LRMDA: variants seen among roughly 807,000 people sequenced by gnomAD.
LRMDA encodes leucine-rich melanocyte differentiation-associated protein.
LRMDA carries 18 observed loss-of-function variants against 29.8 expected under a neutral mutation model. The ratio of observed to expected loss-of-function variants is 0.60; its 90% CI spans 0.42 to 0.90. The LOEUF is 0.90. Among genes scored for constraint, LRMDA ranks in the 40% least tolerant of loss-of-function variants. The pLI is 0.00. For missense variants in LRMDA, 273 were observed against 273.9 expected, an observed-to-expected ratio of 1.00 and a Z score of 0.02; for synonymous variants, 125 against 109.4, an observed-to-expected ratio of 1.14 and a Z score of -0.89.
intron 6 of LRMDA, among the ~76,000 whole-genome samples, chr10:76,541,822 C>A (rs752147431): frequency 5.9e-5 from 9 of 152,020 alleles, no homozygotes; most frequent in Non-Finnish European, 1.3e-4. Context: ...TGTCTCATTT[C>A]AGTGTAAAAT....
intron 2 of LRMDA, among the ~76,000 whole-genome samples, chr10:75,596,514 G>A (rs1840789644): frequency 6.6e-6 from 1 of 151,706 alleles, no homozygotes. Flanking sequence ...AAAACACCAA[G>A]TTCATTTTTC....
intron 6 of LRMDA, among the ~76,000 whole-genome samples, chr10:76,454,950 A>C (rs1161081252): frequency 1.3e-5 from 2 of 152,162 alleles, no homozygotes; most frequent in Non-Finnish European, 1.5e-5. Context: ...TCTTTATTCC[A>C]TGTGACTTGA....
At chr10:75,908,743 G>A (rs1225740945) in intron 2 of LRMDA, among the ~76,000 whole-genome samples, 9 of 152,176 alleles carry the variant, frequency 5.9e-5, no homozygotes, top group Non-Finnish European at 8.8e-5. Context: ...GGGATCATGC[G>A]ATTTTTGTAC....
chr10:76,431,110 C>T (rs1209062474), intron 6 of LRMDA, among the ~76,000 whole-genome samples: 1 of 152,064 alleles, frequency 6.6e-6, no homozygotes, highest in Non-Finnish European at 1.5e-5. Flanking sequence ...ATATGTCTCT[C>T]CCTGGGAGGA....
At chr10:76,224,667 C>CTTTTT (rs35143239) in intron 5 of LRMDA, among the ~76,000 whole-genome samples, 52 of 105,302 alleles carry the variant, frequency 4.9e-4, no homozygotes, top group East Asian at 1.5e-3. Context: ...GTCTAGGACT[C>CTTTTT]TTTTTTTTTT....
chr10:76,139,163 G>A (rs933179768), intron 5 of LRMDA, among the ~76,000 whole-genome samples: 7 of 152,134 alleles, frequency 4.6e-5, no homozygotes, highest in African/African-American at 1.7e-4. Context: ...TAAACTCACT[G>A]TAGTGTACAT....
chr10:75,768,288 A>G (rs1843195184), intron 2 of LRMDA, among the ~76,000 whole-genome samples: 1 of 152,198 alleles, frequency 6.6e-6, no homozygotes, highest in African/African-American at 2.4e-5. Flanking sequence ...GGACCACTAT[A>G]GGAGAGAAAA....
At chr10:75,637,717 C>T (rs749181846) in intron 2 of LRMDA, among the ~76,000 whole-genome samples, 3 of 152,196 alleles carry the variant, frequency 2.0e-5, no homozygotes, top group Admixed American at 6.5e-5. Flanking sequence ...ACATTGATCA[C>T]GGGAGTGTCT....
rs537799112 is a variant in LRMDA, at chr10:76,439,501, G to A, written c.601+115016G>A. Among the ~76,000 whole-genome samples the A allele has an allele frequency of 1.1e-4, 17 of 152,276 alleles. 1 individual carries two copies. The highest frequency in any genetic ancestry group is 3.4e-3 in the Middle Eastern group (1 of 294). ...CTGCTTGATCCTTAGCAGGGAAAGC[G>A]CCCAGTTAGAAGATGTGCCTAAACT... On this transcript the variant is annotated intron_variant, in intron 6 of 6. Coordinates refer to ENST00000611255, the MANE Select transcript of LRMDA (RefSeq NM_001305581.2).
At position 76,363,211 on chromosome 10, in the gene LRMDA, A is replaced by AG. The variant is rs1564520715; in HGVS notation, c.601+38726_601+38727insG. Among the ~76,000 whole-genome samples, 15 of 10,080 alleles carry AG rather than the reference A, an allele frequency of 1.5e-3. 1 individual carries two copies. The highest frequency in any genetic ancestry group is 4.0e-3 in the East Asian group (4 of 1,010). The allele number at this position is 10,080 out of a possible 152,430, so 6.6% of individuals were successfully genotyped here. A position where few individuals can be genotyped will look rare whatever the true frequency, so the allele number is the denominator to read the frequency against. On this transcript the variant is annotated intron_variant, in intron 6 of 6. Transcript: ENST00000611255. ...GAGGGAGGGAGGGAGGGAGGGAGGG[A>AG]AGGAAGAGAAAGAAAGAAAGAAAGA...
At chr10:76,091,675 C>T (rs1399764716) in intron 5 of LRMDA, among the ~76,000 whole-genome samples, 1 of 152,004 alleles carries the variant, frequency 6.6e-6, no homozygotes, top group African/African-American at 2.4e-5. Flanking sequence ...CACCAACTCC[C>T]TTCATCCCCA....
At chr10:76,231,865 C>T (rs1438653192) in intron 5 of LRMDA, among the ~76,000 whole-genome samples, 1 of 152,114 alleles carries the variant, frequency 6.6e-6, no homozygotes, top group East Asian at 1.9e-4. Flanking sequence ...TTAGTGCTTT[C>T]TTATCAGTTT....
chr10:75,952,538 C>T (rs190123713), intron 2 of LRMDA, among the ~76,000 whole-genome samples: 35 of 152,140 alleles, frequency 2.3e-4, no homozygotes, highest in African/African-American at 6.7e-4. Context: ...AATATTGGAA[C>T]GATTTTGGCA....
At chr10:76,098,580 T>C (rs1849349223) in intron 5 of LRMDA, among the ~76,000 whole-genome samples, 1 of 152,214 alleles carries the variant, frequency 6.6e-6, no homozygotes, top group Non-Finnish European at 1.5e-5. Context: ...TCTTCTTTTT[T>C]TTCATATTAA....
chr10:76,345,367 C>T (rs1206489553), intron 6 of LRMDA, among the ~76,000 whole-genome samples: 2 of 150,456 alleles, frequency 1.3e-5, no homozygotes, highest in African/African-American at 4.9e-5. Flanking sequence ...CCACCGCGCC[C>T]GGCCCACAAA....
At chr10:76,243,240 G>A (rs2132287451) in intron 5 of LRMDA, among the ~76,000 whole-genome samples, 1 of 152,290 alleles carries the variant, frequency 6.6e-6, no homozygotes, top group South Asian at 2.1e-4. Context: ...ATTTACTACA[G>A]AGTTCGAGGA....
intron 6 of LRMDA, among the ~76,000 whole-genome samples, chr10:76,339,803 G>C (rs563576473): frequency 5.6e-4 from 85 of 151,816 alleles, no homozygotes; most frequent in Non-Finnish European, 1.1e-3. Flanking sequence ...GTCTCAAGAA[G>C]AAATATAAGT....
chr10:76,513,160 A>T (rs1459968762), intron 6 of LRMDA, among the ~76,000 whole-genome samples: 3 of 152,256 alleles, frequency 2.0e-5, no homozygotes, highest in East Asian at 1.9e-4. Context: ...GGACAGTTTA[A>T]ATTTGGTGAG....
intron 5 of LRMDA, among the ~76,000 whole-genome samples, chr10:76,189,609 T>G (rs1851210247): frequency 6.6e-6 from 1 of 152,242 alleles, no homozygotes; most frequent in South Asian, 2.1e-4. Context: ...AGAACTACAT[T>G]GACCTACTGG....
Sources: gnomAD v4.1 joint callset for allele counts (sites outside exome capture counted in the v4.1 genomes callset) on GRCh38, gnomAD v4.1.1 for gene constraint, MANE v1.5 for transcripts, NCBI Gene and HGNC (gene_info 2026-07-23, HGNC 2026-07-21) for gene names.